Variants in SYT16 observed in about 807,000 individuals in gnomAD.
The protein encoded by SYT16 is synaptotagmin-16.
In SYT16, 42 loss-of-function variants were observed where a neutral mutation model predicts 61.4. That is an observed-to-expected ratio of 0.68 (90% CI 0.53 to 0.89). The LOEUF (loss-of-function observed/expected upper bound fraction) is 0.89, where lower values mean the gene tolerates loss of function less well. SYT16 is among the 40% of genes least tolerant of loss of function. SYT16 has a pLI of 0.00. For synonymous variants in SYT16, 314 were observed against 302.3 expected (o/e 1.04, Z -0.40); for missense variants, 804 against 807.3 (o/e 1.00, Z 0.05).
intron 3 of SYT16, among the ~76,000 whole-genome samples, chr14:62,039,855 ACACACACACACACACACACACACG>A (rs1182581065): frequency 1.2e-4 from 16 of 134,870 alleles, no homozygotes; most frequent in Admixed American, 3.0e-4. Flanking sequence ...ACACACACAC[ACACACACACACACACACACACACG>A]CACATACACA....
intron 1 of SYT16, among the ~76,000 whole-genome samples, chr14:61,880,584 T>C (rs1390813703): frequency 6.6e-6 from 1 of 152,216 alleles, no homozygotes; most frequent in Non-Finnish European, 1.5e-5. Context: ...AAATCAAATC[T>C]TCCTACTCAT....
chr14:61,818,691 A>AAAC (rs975331391), intron 1 of SYT16, among the ~76,000 whole-genome samples: 1 of 152,014 alleles, frequency 6.6e-6, no homozygotes, highest in African/African-American at 2.4e-5. Flanking sequence ...AAAAAAAAAA[A>AAAC]AAAACAGCAT....
At chr14:62,004,316 C>G (rs1325912113) in intron 3 of SYT16, among the ~76,000 whole-genome samples, 1 of 152,090 alleles carries the variant, frequency 6.6e-6, no homozygotes, top group Non-Finnish European at 1.5e-5. Flanking sequence ...CCTCAGATCT[C>G]ATGAGTACTC....
intron 1 of SYT16, among the ~76,000 whole-genome samples, chr14:61,892,324 G>A (rs910947913): frequency 6.6e-6 from 1 of 151,306 alleles, no homozygotes; most frequent in Non-Finnish European, 1.5e-5. Context: ...TGCTACTCTC[G>A]CCCCGTCTGC....
intron 1 of SYT16, among the ~76,000 whole-genome samples, chr14:61,824,413 CAG>C (rs2045708611): frequency 6.6e-6 from 1 of 152,002 alleles, no homozygotes; most frequent in Non-Finnish European, 1.5e-5. Flanking sequence ...AGTGCAGTGG[CAG>C]GATCTCGGCT....
intron 1 of SYT16, among the ~76,000 whole-genome samples, chr14:61,915,420 C>G (rs1251423125): frequency 6.6e-6 from 1 of 152,084 alleles, no homozygotes; most frequent in Non-Finnish European, 1.5e-5. Flanking sequence ...AAATTCCCTA[C>G]TGCCAGAAAT....
chr14:62,044,605 T>A (rs1409096913), intron 3 of SYT16, among the ~76,000 whole-genome samples: 1 of 152,206 alleles, frequency 6.6e-6, no homozygotes, highest in Non-Finnish European at 1.5e-5. Flanking sequence ...TCTAGCTTCA[T>A]CCATGTCCCT....
chr14:61,845,054 T>G (rs1324285841), intron 1 of SYT16, among the ~76,000 whole-genome samples: 55 of 144,170 alleles, frequency 3.8e-4, no homozygotes, highest in African/African-American at 1.4e-3. Context: ...TTTTTTTTTT[T>G]TTTTTTTTTT....
chr14:62,015,617 G>A (rs1007163741), intron 3 of SYT16, among the ~76,000 whole-genome samples: 2 of 152,156 alleles, frequency 1.3e-5, no homozygotes, highest in Admixed American at 1.3e-4. Flanking sequence ...ACCTTTGGGA[G>A]ATGATCAGAT....
At chr14:62,087,418 G>C (rs1023728281) in intron 7 of SYT16, among the ~76,000 whole-genome samples, 1 of 152,232 alleles carries the variant, frequency 6.6e-6, no homozygotes, top group Non-Finnish European at 1.5e-5. Context: ...GGCCATGACA[G>C]CTTGTGGTTG....
intron 1 of SYT16, among the ~76,000 whole-genome samples, chr14:61,912,805 G>A (rs888225895): frequency 1.3e-5 from 2 of 152,164 alleles, no homozygotes; most frequent in Admixed American, 6.6e-5. Context: ...CAAAGATAAA[G>A]ATGATTTAGT....
intron 3 of SYT16, among the ~76,000 whole-genome samples, chr14:62,008,206 T>C (rs940288274): frequency 6.6e-6 from 1 of 152,090 alleles, no homozygotes; most frequent in Non-Finnish European, 1.5e-5. Flanking sequence ...TGGTACCCTC[T>C]TCCCATATCT....
At chr14:62,035,390 T>A (rs1312815178) in intron 3 of SYT16, among the ~76,000 whole-genome samples, 1 of 152,204 alleles carries the variant, frequency 6.6e-6, no homozygotes, top group African/African-American at 2.4e-5. Context: ...TTAATCTTTT[T>A]ACCATTTTAT....
chr14:61,959,144 A>G (rs1261472430), intron 1 of SYT16, among the ~76,000 whole-genome samples: 2 of 151,994 alleles, frequency 1.3e-5, no homozygotes, highest in African/African-American at 4.8e-5. Context: ...TGTGTCCTTA[A>G]ATCTAACGTG....
chr14:62,030,353 G>C (rs1323386986), intron 3 of SYT16, among the ~76,000 whole-genome samples: 2 of 152,184 alleles, frequency 1.3e-5, no homozygotes, highest in Non-Finnish European at 2.9e-5. Flanking sequence ...AACTTACTCA[G>C]AGAATATTGA....
At chr14:61,877,550 A>T (rs1330349536) in intron 1 of SYT16, among the ~76,000 whole-genome samples, 1 of 152,226 alleles carries the variant, frequency 6.6e-6, no homozygotes, top group Non-Finnish European at 1.5e-5. Flanking sequence ...AAAGTTTCCC[A>T]GGTAATTAGA....
At chr14:62,050,868 G>A (rs1162187340) in intron 3 of SYT16, among the ~76,000 whole-genome samples, 1 of 152,184 alleles carries the variant, frequency 6.6e-6, no homozygotes, top group South Asian at 2.1e-4. Flanking sequence ...CATGTGAGGT[G>A]TCAGTCCGCC....
chr14:62,081,041 A>G lies in SYT16; in HGVS notation c.1201A>G (p.Arg401Gly). 1 of 1,613,460 alleles carries G rather than the reference A, an allele frequency of 6.2e-7. No individual in the cohort carries two copies. Among genetic ancestry groups the G allele is most frequent in the Non-Finnish European group, 8.5e-7 (1 of 1,179,652 alleles). ...HVVLLPGKKH[R>G]GRTNIQRGPN... is the part of the protein sequence containing the mutation. ...AGTGCTGCTGCCTGGTAAGAAACACAGGGGCAGGACGAACATACAGAGAGG... is the reference window on the plus strand; with the variant it reads ...AGTGCTGCTGCCTGGTAAGAAACACGGGGGCAGGACGAACATACAGAGAGG... Residue 401 changes from arginine (R) to glycine (G), a missense_variant, in exon 6 of 8, where the codon AGG becomes GGG. Transcript: ENST00000683842.
At position 61,875,437 on chromosome 14, in the gene SYT16, T is replaced by C. The variant is rs547875543; in HGVS notation, c.-325+62627T>C. 4.6e-5 allele frequency among the ~76,000 whole-genome samples: 7 copies of C among 152,322 alleles called. No homozygotes were observed. In the East Asian group the frequency reaches 1.3e-3, roughly 29 times the overall value. ...AGAATTAGGAAAGAGATGGACAATT[T>C]TGAAGGGTAACGAAAACTTCAAGGA... On this transcript the variant is annotated intron_variant, in intron 1 of 7. Transcript: ENST00000683842.
Sources: allele counts gnomAD v4.1 joint callset (sites outside exome capture counted in the v4.1 genomes callset), GRCh38; gene constraint gnomAD v4.1.1; transcripts MANE v1.5; gene names NCBI Gene and HGNC (gene_info 2026-07-23, HGNC 2026-07-21).